Variants in AUTS2 observed in about 807,000 individuals in gnomAD.
AUTS2 encodes activator of transcription and developmental regulator AUTS2, also known as autism susceptibility gene 2 protein.
Under a neutral mutation model 112.4 loss-of-function variants are expected in AUTS2, and 17 were observed. That is an observed-to-expected ratio of 0.15 (90% CI 0.10 to 0.23). AUTS2 has a LOEUF of 0.23. Among genes scored for constraint, AUTS2 ranks in the 10% least tolerant of loss-of-function variants. The pLI is 1.00. For missense variants in AUTS2, 1,510 were observed against 1,701.6 expected (o/e 0.89, Z 1.98); for synonymous variants, 751 against 702.7 (o/e 1.07, Z -1.09).
chr7:70,539,803 G>A (rs1172334653), intron 5 of AUTS2, among the ~76,000 whole-genome samples: 1 of 152,120 alleles, frequency 6.6e-6, no homozygotes, highest in African/African-American at 2.4e-5. Flanking sequence ...CCACTCTGGT[G>A]TCTGCTGTGC....
At chr7:70,303,403 T>C (rs1231232863) in intron 4 of AUTS2, among the ~76,000 whole-genome samples, 2 of 150,642 alleles carry the variant, frequency 1.3e-5, no homozygotes, top group Non-Finnish European at 1.5e-5. Context: ...CACATGCACA[T>C]GTGTGCACGC....
At chr7:70,155,794 G>A (rs1044253762) in intron 4 of AUTS2, among the ~76,000 whole-genome samples, 3 of 152,090 alleles carry the variant, frequency 2.0e-5, no homozygotes, top group Non-Finnish European at 4.4e-5. Context: ...AGAGCTCAGA[G>A]AAAAAAGGAC....
chr7:70,020,228 T>TCTA (rs1288746110), intron 2 of AUTS2, among the ~76,000 whole-genome samples: 22 of 152,154 alleles, frequency 1.4e-4, no homozygotes, highest in African/African-American at 5.1e-4. Flanking sequence ...GAAAGGCATT[T>TCTA]AGTAGAATGC....
chr7:70,715,538 TTTTC>T (rs869046653), intron 6 of AUTS2, among the ~76,000 whole-genome samples: 7 of 150,888 alleles, frequency 4.6e-5, no homozygotes, highest in African/African-American at 7.3e-5. Flanking sequence ...TTTTCTTTTC[TTTTC>T]TTTTTTTTTA....
chr7:69,599,598 T>G lies in AUTS2; in HGVS notation c.-56T>G. 8.0e-7 allele frequency: 1 copy of G among 1,244,238 alleles called. No homozygotes were observed. The highest frequency in any genetic ancestry group is 1.0e-6 in the Non-Finnish European group (1 of 994,370). 77.1% of individuals were successfully genotyped at this position (1,244,238 alleles called of 1,614,324 possible). A position where few individuals can be genotyped will look rare whatever the true frequency, so the allele number is the denominator to read the frequency against. ...GGCTCGGTGTCAATTTTTTTTTGTG[T>G]GGCTGCGGCCGTAGCCTGTGGCGGG... is the stretch of plus-strand genomic sequence containing the variant. On this transcript the variant is annotated 5_prime_UTR_variant, in exon 1 of 19. Transcript: ENST00000342771. This position sits in a 1 kb window ranked among gnomAD's most constrained non-coding sequence, Gnocchi z 7.0.
chr7:70,408,654 C>A (rs1200138660), intron 4 of AUTS2, among the ~76,000 whole-genome samples: 1 of 152,192 alleles, frequency 6.6e-6, no homozygotes, highest in Non-Finnish European at 1.5e-5. Context: ...CTTCCCCCAC[C>A]ACCTCCCCAG....
intron 1 of AUTS2, among the ~76,000 whole-genome samples, chr7:69,819,783 A>C (rs1472400665): frequency 6.6e-6 from 1 of 152,082 alleles, no homozygotes; most frequent in Admixed American, 6.5e-5. Flanking sequence ...GAGCCTGGCT[A>C]ATTTTAGTGT....
intron 4 of AUTS2, among the ~76,000 whole-genome samples, chr7:70,384,925 C>T (rs576412550): frequency 6.6e-6 from 1 of 152,326 alleles, no homozygotes; most frequent in East Asian, 1.9e-4. Context: ...CTTCCCTACA[C>T]AGAAGCCAGA....
intron 5 of AUTS2, among the ~76,000 whole-genome samples, chr7:70,457,600 CT>C (rs1166595293): frequency 6.6e-6 from 1 of 152,094 alleles, no homozygotes; most frequent in Non-Finnish European, 1.5e-5. Flanking sequence ...GGAAAGGTGC[CT>C]TGATATGTAC....
chr7:69,888,835 A>G (rs1794396042), intron 1 of AUTS2, among the ~76,000 whole-genome samples: 1 of 151,954 alleles, frequency 6.6e-6, no homozygotes, highest in Admixed American at 6.6e-5. Context: ...TGGCCTCCCA[A>G]AGTGCTAGGA....
intron 4 of AUTS2, among the ~76,000 whole-genome samples, chr7:70,371,377 T>G (rs895904788): frequency 1.3e-5 from 2 of 152,338 alleles, no homozygotes; most frequent in Middle Eastern, 3.4e-3. Context: ...TTGCATGCAC[T>G]GATCAGATAA....
At position 69,809,177 on chromosome 7, in the gene AUTS2, C is replaced by T. The variant is rs1044608015; in HGVS notation, c.310-90109C>T. Among the ~76,000 whole-genome samples, 5 of 152,218 alleles carry T rather than the reference C, an allele frequency of 3.3e-5. No individual in the cohort carries two copies. In the East Asian group the frequency reaches 9.7e-4, roughly 29 times the overall value. On this transcript the variant is annotated intron_variant, in intron 1 of 18. Coordinates refer to ENST00000342771, the MANE Select transcript of AUTS2 (RefSeq NM_015570.4). ...GCAAGTTCCGCCTCCCAGGTTCACACCATTCTCCTGCCTCAGCCTCCCCAG... is the reference window on the plus strand; with the variant it reads ...GCAAGTTCCGCCTCCCAGGTTCACATCATTCTCCTGCCTCAGCCTCCCCAG...
chr7:69,777,283 C>T (rs929093994), intron 1 of AUTS2, among the ~76,000 whole-genome samples: 5 of 152,142 alleles, frequency 3.3e-5, no homozygotes, highest in Non-Finnish European at 7.3e-5. Context: ...TCTGATTGAA[C>T]AGTCACGTTA....
At chr7:70,745,150 T>C (rs1472421468) in intron 6 of AUTS2, among the ~76,000 whole-genome samples, 1 of 152,202 alleles carries the variant, frequency 6.6e-6, no homozygotes, top group Non-Finnish European at 1.5e-5. Context: ...TGTATCCCGA[T>C]TGTATTTCAC....
At chr7:70,049,903 T>A (rs1357666107) in intron 2 of AUTS2, among the ~76,000 whole-genome samples, 1 of 152,144 alleles carries the variant, frequency 6.6e-6, no homozygotes, top group South Asian at 2.1e-4. Context: ...TATGAAGATA[T>A]GATATATGAA....
intron 1 of AUTS2, among the ~76,000 whole-genome samples, chr7:69,861,615 T>C (rs1414997291): frequency 6.6e-6 from 1 of 152,212 alleles, no homozygotes; most frequent in Non-Finnish European, 1.5e-5. Context: ...AAATTACCAA[T>C]GGCAGATTTA....
intron 10 of AUTS2, among the ~76,000 whole-genome samples, chr7:70,768,826 A>G (rs1260877917): frequency 6.7e-6 from 1 of 149,884 alleles, no homozygotes; most frequent in African/African-American, 2.5e-5. Context: ...GATGGGGTGA[A>G]TACTGCATCA....
intron 4 of AUTS2, among the ~76,000 whole-genome samples, chr7:70,177,222 C>T (rs1351045739): frequency 6.6e-6 from 1 of 152,182 alleles, no homozygotes; most frequent in Non-Finnish European, 1.5e-5. Context: ...AAGTACTGTT[C>T]TAAGCATGTT....
chr7:69,850,296 AAAAAACAAAAAC>A (rs549110306), intron 1 of AUTS2, among the ~76,000 whole-genome samples: 47 of 150,128 alleles, frequency 3.1e-4, no homozygotes, highest in African/African-American at 1.0e-3. Flanking sequence ...CTCTGTCTCA[AAAAAACAAAAAC>A]AAAAACAAAA....
Sources: gnomAD v4.1 joint callset for allele counts (sites outside exome capture counted in the v4.1 genomes callset) on GRCh38, gnomAD v4.1.1 for gene constraint, Gnocchi (gnomAD v3.1) non-coding constraint, MANE v1.5 for transcripts, NCBI Gene and HGNC (gene_info 2026-07-23, HGNC 2026-07-21) for gene names.